Variants in CSMD1 observed in about 807,000 individuals in gnomAD.
CSMD1 encodes the protein CUB and Sushi multiple domains 1, also known as CUB and sushi domain-containing protein 1.
Under a neutral mutation model 417.5 loss-of-function variants are expected in CSMD1, and 213 were observed. The observed-to-expected ratio is 0.51, with a 90% CI of 0.46 to 0.57. The LOEUF (loss-of-function observed/expected upper bound fraction) is 0.57, where lower values mean the gene tolerates loss of function less well. CSMD1 is among the 20% of genes least tolerant of loss of function. CSMD1 has a pLI of 0.00. For synonymous variants in CSMD1, 2,862 were observed against 1,736.8 expected, an observed-to-expected ratio of 1.65 and a Z score of -16.11; for missense variants, 6,923 against 4,529.7, an observed-to-expected ratio of 1.53 and a Z score of -15.17.
At chr8:3,787,831 C>CT (rs1283315564) in intron 5 of CSMD1, among the ~76,000 whole-genome samples, 1 of 152,130 alleles carries the variant, frequency 6.6e-6, no homozygotes, top group Non-Finnish European at 1.5e-5. Context: ...AATCAGTGTC[C>CT]TATCTTGCAA....
chr8:3,625,118 C>T (rs940974469), intron 7 of CSMD1, among the ~76,000 whole-genome samples: 1 of 151,988 alleles, frequency 6.6e-6, no homozygotes, highest in Non-Finnish European at 1.5e-5. Context: ...TGTACAGTCT[C>T]TAGCAGTAGC....
At chr8:4,874,258 G>A (rs558917102) in intron 1 of CSMD1, among the ~76,000 whole-genome samples, 35 of 151,960 alleles carry the variant, frequency 2.3e-4, no homozygotes, top group Admixed American at 9.8e-4. Flanking sequence ...AAATTACGTG[G>A]GATACTGCCT....
At chr8:3,555,604 A>G (rs1799109521) in intron 10 of CSMD1, among the ~76,000 whole-genome samples, 1 of 152,236 alleles carries the variant, frequency 6.6e-6, no homozygotes, top group South Asian at 2.1e-4. Context: ...TTAATTCTAC[A>G]GAACAAACTT....
chr8:3,608,830 G>A (rs1261701505), intron 8 of CSMD1, among the ~76,000 whole-genome samples: 2 of 151,386 alleles, frequency 1.3e-5, no homozygotes, highest in African/African-American at 2.4e-5. Flanking sequence ...ATGTGGATCC[G>A]TGGTGCCAAT....
At chr8:3,763,107 G>C (rs558423927) in intron 5 of CSMD1, among the ~76,000 whole-genome samples, 1 of 152,296 alleles carries the variant, frequency 6.6e-6, no homozygotes, top group South Asian at 2.1e-4. Flanking sequence ...AGAGTGCTGG[G>C]CATGTGGTAG....
intron 3 of CSMD1, among the ~76,000 whole-genome samples, chr8:4,161,244 T>G (rs1797141872): frequency 1.3e-5 from 2 of 152,206 alleles, no homozygotes. Context: ...ACTCTTACCA[T>G]CTGCATTTAC....
chr8:4,850,392 T>C (rs1385859821), intron 1 of CSMD1, among the ~76,000 whole-genome samples: 4 of 149,598 alleles, frequency 2.7e-5, no homozygotes, highest in African/African-American at 4.9e-5. Flanking sequence ...CTTTTTTTTT[T>C]TTTTTTTTTT....
chr8:3,047,988 G>A (rs1230202719), intron 50 of CSMD1, among the ~76,000 whole-genome samples: 1 of 152,186 alleles, frequency 6.6e-6, no homozygotes, highest in Non-Finnish European at 1.5e-5. Context: ...TGTTCATTTT[G>A]TCAATCTGTG....
intron 3 of CSMD1, among the ~76,000 whole-genome samples, chr8:4,074,805 A>T (rs1563089378): frequency 6.6e-6 from 1 of 152,136 alleles, no homozygotes; most frequent in Non-Finnish European, 1.5e-5. Context: ...TGTGGTACAT[A>T]ATCATTTCCA....
intron 3 of CSMD1, among the ~76,000 whole-genome samples, chr8:4,059,549 G>C (rs1205246397): frequency 1.3e-5 from 2 of 151,724 alleles, no homozygotes; most frequent in Non-Finnish European, 2.9e-5. Context: ...CTGCTAGCAA[G>C]ACTAATAAAG....
intron 1 of CSMD1, among the ~76,000 whole-genome samples, chr8:4,937,924 C>T (rs1214024489): frequency 6.6e-6 from 1 of 152,072 alleles, no homozygotes; most frequent in African/African-American, 2.4e-5. Flanking sequence ...TGTCAGCTAC[C>T]TACTTATCTA....
chr8:3,515,132 T>G (rs1387702733), intron 10 of CSMD1: 3 of 152,238 alleles, frequency 2.0e-5, no homozygotes, highest in African/African-American at 7.2e-5. Flanking sequence ...ATAATTCATC[T>G]TGAATACATG....
At chr8:4,649,280 T>C (rs563896837) in intron 1 of CSMD1, among the ~76,000 whole-genome samples, 1 of 152,240 alleles carries the variant, frequency 6.6e-6, no homozygotes, top group South Asian at 2.1e-4. Context: ...GGAGTGACTA[T>C]TGTATCTGAT....
intron 2 of CSMD1, among the ~76,000 whole-genome samples, chr8:4,435,480 G>A (rs1213466385): frequency 2.0e-5 from 3 of 152,310 alleles, no homozygotes; most frequent in Non-Finnish European, 2.9e-5. Flanking sequence ...ATCTTTGGAA[G>A]CCCTGTTATG....
chr8:3,190,568 A>G (rs1446332176), intron 33 of CSMD1, among the ~76,000 whole-genome samples: 2 of 152,184 alleles, frequency 1.3e-5, no homozygotes, highest in Non-Finnish European at 2.9e-5. Flanking sequence ...AGGATTTGTT[A>G]TAATATGGCC....
At chr8:4,630,883 C>A (rs1254805434) in intron 2 of CSMD1, among the ~76,000 whole-genome samples, 1 of 152,156 alleles carries the variant, frequency 6.6e-6, no homozygotes, top group Non-Finnish European at 1.5e-5. Flanking sequence ...TCCTCCCTCA[C>A]CCTGTGCTGG....
At chr8:4,271,746 TTATACA>T (rs1004493953) in intron 3 of CSMD1, among the ~76,000 whole-genome samples, 2 of 152,160 alleles carry the variant, frequency 1.3e-5, no homozygotes, top group African/African-American at 4.8e-5. Context: ...ATTAATATAC[TTATACA>T]TATAAAACAA....
At chr8:4,896,292 G>A (rs1455356106) in intron 1 of CSMD1, among the ~76,000 whole-genome samples, 3 of 151,930 alleles carry the variant, frequency 2.0e-5, no homozygotes, top group African/African-American at 7.3e-5. Flanking sequence ...CGCTAATTAT[G>A]GGTCTCTTTA....
chr8:4,065,943 A>T (rs2162265), intron 3 of CSMD1, among the ~76,000 whole-genome samples: 52,977 of 152,068 alleles, frequency 0.35, 9,450 homozygotes, highest in East Asian at 0.5. Context: ...GAGAAAACTG[A>T]CAAATCATTG....
Sources: gnomAD v4.1 joint callset for allele counts (sites outside exome capture counted in the v4.1 genomes callset) on GRCh38, gnomAD v4.1.1 for gene constraint, MANE v1.5 for transcripts, NCBI Gene and HGNC (gene_info 2026-07-23, HGNC 2026-07-21) for gene names.